Variants in CCDC146 observed in about 807,000 individuals in gnomAD.
CCDC146 encodes the protein coiled-coil domain containing 146.
A neutral mutation model predicts 119.3 loss-of-function variants in CCDC146; 92 were observed. The ratio of observed to expected loss-of-function variants is 0.77; its 90% CI spans 0.65 to 0.92. The LOEUF is 0.92. Among genes scored for constraint, CCDC146 ranks in the 40% least tolerant of loss-of-function variants. CCDC146 has a pLI of 0.00. For synonymous variants in CCDC146, 372 were observed against 371.8 expected (o/e 1.00, Z -0.01); for missense variants, 1,000 against 1,103.0 (o/e 0.91, Z 1.32).
At chr7:77,281,113 C>CAAAAAA (rs368247535) in intron 14 of CCDC146, among the ~76,000 whole-genome samples, 3 of 131,698 alleles carry the variant, frequency 2.3e-5, no homozygotes, top group Admixed American at 7.7e-5. Context: ...CAAAAACAAA[C>CAAAAAA]AAAAAAAAAA....
intron 1 of CCDC146, among the ~76,000 whole-genome samples, chr7:77,157,863 G>T (rs1443477251): frequency 6.6e-6 from 1 of 152,112 alleles, no homozygotes; most frequent in African/African-American, 2.4e-5. Flanking sequence ...AACTTGTCTT[G>T]CTGCCAGTCT....
chr7:77,255,305 A>G (rs1487997737), intron 5 of CCDC146: 1 of 152,200 alleles, frequency 6.6e-6, no homozygotes, highest in Non-Finnish European at 1.5e-5. Flanking sequence ...GGATCAAGAC[A>G]ATGCAAAGGG....
chr7:77,149,159 C>T (rs13235295), intron 1 of CCDC146, among the ~76,000 whole-genome samples: 30,878 of 151,898 alleles, frequency 0.2, 3,466 homozygotes, highest in African/African-American at 0.22. Flanking sequence ...AACAGAGGCC[C>T]CAGAAATAAC....
intron 14 of CCDC146, 25 bp from the exon 15 acceptor site, chr7:77,282,532 C>A (rs202049432): frequency 1.9e-6 from 3 of 1,539,446 alleles, no homozygotes; most frequent in Admixed American, 1.9e-5. Flanking sequence ...GCCCACTTAG[C>A]CTCTGCCTCT....
At chr7:77,286,431 G>C (rs1192379081) in intron 15 of CCDC146, among the ~76,000 whole-genome samples, 1 of 152,090 alleles carries the variant, frequency 6.6e-6, no homozygotes, top group African/African-American at 2.4e-5. Flanking sequence ...ATGAGATTTG[G>C]AGGGGGACAC....
intron 1 of CCDC146, among the ~76,000 whole-genome samples, chr7:77,129,899 T>TAGTC (rs1790757089): frequency 6.6e-6 from 1 of 152,072 alleles, no homozygotes; most frequent in Admixed American, 6.5e-5. Flanking sequence ...ACCTGCCCAC[T>TAGTC]AGTCATTTCA....
chr7:77,172,405 A>G (rs912873698), intron 2 of CCDC146, among the ~76,000 whole-genome samples: 5 of 152,256 alleles, frequency 3.3e-5, no homozygotes, highest in Admixed American at 2.0e-4. Context: ...AACTGAAGGA[A>G]AGCAGTCAGA....
chr7:77,189,826 C>A (rs968762737), intron 2 of CCDC146, among the ~76,000 whole-genome samples: 2 of 152,164 alleles, frequency 1.3e-5, no homozygotes, highest in African/African-American at 4.8e-5. Context: ...GGTTTGAGCT[C>A]TCATATCTTT....
chr7:77,290,998 A>G (rs1383100125), intron 17 of CCDC146, among the ~76,000 whole-genome samples: 3 of 152,240 alleles, frequency 2.0e-5, no homozygotes, highest in Non-Finnish European at 2.9e-5. Flanking sequence ...TCATTCCTTC[A>G]TTCAGAAAAT....
intron 1 of CCDC146, among the ~76,000 whole-genome samples, chr7:77,155,271 G>A (rs1486111028): frequency 1.3e-5 from 2 of 152,068 alleles, no homozygotes; most frequent in Non-Finnish European, 1.5e-5. Flanking sequence ...TCTATAGCCC[G>A]CTGTTTTGCT....
chr7:77,136,866 A>T (rs531743730), intron 1 of CCDC146, among the ~76,000 whole-genome samples: 101 of 152,292 alleles, frequency 6.6e-4, no homozygotes, highest in Non-Finnish European at 1.3e-3. Flanking sequence ...ATCCTCAACA[A>T]AATTGAATCA....
chr7:77,149,553 G>A (rs533111824), intron 1 of CCDC146, among the ~76,000 whole-genome samples: 2 of 151,994 alleles, frequency 1.3e-5, no homozygotes, highest in Admixed American at 6.6e-5. Flanking sequence ...ATAACTTGAG[G>A]TCAGAAGTTC....
At chr7:77,141,012 T>C (rs1790924498) in intron 1 of CCDC146, among the ~76,000 whole-genome samples, 1 of 152,164 alleles carries the variant, frequency 6.6e-6, no homozygotes, top group Non-Finnish European at 1.5e-5. Context: ...GGTGGTTTGC[T>C]GAACCCATCA....
At chr7:77,290,342 G>A (rs931774813) in intron 17 of CCDC146, among the ~76,000 whole-genome samples, 1 of 151,812 alleles carries the variant, frequency 6.6e-6, no homozygotes, top group Non-Finnish European at 1.5e-5. Flanking sequence ...AAATCTGCAC[G>A]TTGTGCACAT....
intron 2 of CCDC146, among the ~76,000 whole-genome samples, chr7:77,233,358 C>G (rs1792671428): frequency 6.6e-6 from 1 of 152,108 alleles, no homozygotes; most frequent in Non-Finnish European, 1.5e-5. Flanking sequence ...TCCTAAAGTG[C>G]TGGGATTACA....
At chr7:77,171,052 C>T (rs186820804) in intron 2 of CCDC146, among the ~76,000 whole-genome samples, 10 of 152,236 alleles carry the variant, frequency 6.6e-5, no homozygotes, top group Admixed American at 6.5e-4. Context: ...TCGAACTTTG[C>T]AATAAAATTT....
intron 9 of CCDC146, among the ~76,000 whole-genome samples, chr7:77,269,660 C>A (rs1793472193): frequency 6.6e-6 from 1 of 152,218 alleles, no homozygotes; most frequent in South Asian, 2.1e-4. Context: ...TATTATGACA[C>A]TACTAGCTAT....
At position 77,139,739 on chromosome 7, in the gene CCDC146, T is replaced by G. The variant is rs1284455369; in HGVS notation, c.-12+17007T>G. Among the ~76,000 whole-genome samples, 3 of 151,616 alleles carry G rather than the reference T, an allele frequency of 2.0e-5. No individual in the cohort carries two copies. The East Asian group carries it at 5.9e-4, about 30-fold the overall frequency. ...CTTTAGAAAAGAAGTAAAATTGTCT[T>G]TATTCACAGACAACATGATTAAGTA... On this transcript the variant is annotated intron_variant, in intron 1 of 18. Transcript: ENST00000285871.
intron 2 of CCDC146, among the ~76,000 whole-genome samples, chr7:77,213,504 G>T (rs946489491): frequency 6.6e-6 from 1 of 152,038 alleles, no homozygotes; most frequent in Non-Finnish European, 1.5e-5. Context: ...AAATTCAGAG[G>T]TTATATGTAC....
Sources: gnomAD v4.1 joint callset for allele counts (sites outside exome capture counted in the v4.1 genomes callset) on GRCh38, gnomAD v4.1.1 for gene constraint, MANE v1.5 for transcripts, NCBI Gene and HGNC (gene_info 2026-07-23, HGNC 2026-07-21) for gene names.